The following UNC5D variants were observed in gnomAD, a reference collection of about 807,000 sequenced individuals.
UNC5D encodes the protein unc-5 netrin receptor D.
In UNC5D, 39 loss-of-function variants were observed where a neutral mutation model predicts 105.4. That is an observed-to-expected ratio of 0.37 (90% CI 0.29 to 0.48). The LOEUF (loss-of-function observed/expected upper bound fraction) is 0.48, where lower values mean the gene tolerates loss of function less well. UNC5D is among the 20% of genes least tolerant of loss of function. UNC5D has a pLI of 0.98. For synonymous variants in UNC5D, 452 were observed against 450.4 expected (o/e 1.00, Z -0.04); for missense variants, 991 against 1,202.4 (o/e 0.82, Z 2.60).
chr8:35,675,686 G>A (rs1156323969), intron 4 of UNC5D, among the ~76,000 whole-genome samples: 1 of 151,988 alleles, frequency 6.6e-6, no homozygotes, highest in Non-Finnish European at 1.5e-5. Context: ...GAATTCAAAG[G>A]TCAAGGGGCC....
intron 3 of UNC5D, among the ~76,000 whole-genome samples, chr8:35,572,817 T>C (rs1384523343): frequency 6.6e-6 from 1 of 151,002 alleles, no homozygotes; most frequent in East Asian, 1.9e-4. Context: ...TTTTTTTTTT[T>C]TTTTGAGATG....
intron 1 of UNC5D, among the ~76,000 whole-genome samples, chr8:35,407,215 C>T (rs1243390149): frequency 1.3e-5 from 2 of 151,978 alleles, no homozygotes; most frequent in African/African-American, 2.4e-5. Context: ...GTGAAGTAGA[C>T]AACAATATCT....
At chr8:35,600,255 A>G (rs1250612433) in intron 4 of UNC5D, among the ~76,000 whole-genome samples, 1 of 152,230 alleles carries the variant, frequency 6.6e-6, no homozygotes, top group Non-Finnish European at 1.5e-5. Flanking sequence ...TAGTGCCACA[A>G]TAAACATACG....
chr8:35,790,003 T>C (rs1802961683), intron 16 of UNC5D, among the ~76,000 whole-genome samples: 1 of 151,540 alleles, frequency 6.6e-6, no homozygotes, highest in Non-Finnish European at 1.5e-5. Context: ...AATCCCAACA[T>C]TTTGGGAGGC....
At chr8:35,616,155 G>A (rs1199322048) in intron 4 of UNC5D, among the ~76,000 whole-genome samples, 1 of 152,128 alleles carries the variant, frequency 6.6e-6, no homozygotes, top group African/African-American at 2.4e-5. Flanking sequence ...ACCAAACTGA[G>A]CCTCAGAGAG....
chr8:35,721,174 A>T (rs1410110439), intron 8 of UNC5D, among the ~76,000 whole-genome samples: 1 of 152,218 alleles, frequency 6.6e-6, no homozygotes, highest in Non-Finnish European at 1.5e-5. Flanking sequence ...TACTTACCAC[A>T]TAATCTGTAG....
intron 1 of UNC5D, among the ~76,000 whole-genome samples, chr8:35,512,072 A>G (rs1237741019): frequency 6.6e-6 from 1 of 152,192 alleles, no homozygotes; most frequent in African/African-American, 2.4e-5. Context: ...ATACTGAGGT[A>G]CTATGGTTCT....
chr8:35,516,280 G>A (rs1326379073), intron 1 of UNC5D, among the ~76,000 whole-genome samples: 10 of 152,176 alleles, frequency 6.6e-5, no homozygotes, highest in Non-Finnish European at 2.9e-5. Flanking sequence ...GAATAAAACA[G>A]ATTTGATCAT....
chr8:35,509,517 T>TCCTCCCCTCC (rs1812555405), intron 1 of UNC5D, among the ~76,000 whole-genome samples: 1 of 2,488 alleles, frequency 4.0e-4, no homozygotes, highest in African/African-American at 2.1e-3. Flanking sequence ...TTCTCTTCTC[T>TCCTCCCCTCC]CCTTCTTTTC....
intron 1 of UNC5D, among the ~76,000 whole-genome samples, chr8:35,425,275 C>T (rs1388931646): frequency 6.6e-6 from 1 of 152,126 alleles, no homozygotes; most frequent in Non-Finnish European, 1.5e-5. Flanking sequence ...TTTTGCCTCA[C>T]CAAAATGCAT....
Position 35,540,395 on chromosome 8 carries a change from A to G in UNC5D, c.104-8897A>G, listed in dbSNP as rs576344320. On this transcript the variant is annotated intron_variant, in intron 1 of 16. Coordinates refer to ENST00000404895, the MANE Select transcript of UNC5D (RefSeq NM_080872.4). Reference sequence around the variant, plus strand: ...GTTAGAGACCATGAAGTGAAAGCTAAAATTGCCATAGTTTATGAAGCCCTT... The same window carrying G: ...GTTAGAGACCATGAAGTGAAAGCTAGAATTGCCATAGTTTATGAAGCCCTT... Among the ~76,000 whole-genome samples, 98 of 152,002 alleles carry G rather than the reference A, an allele frequency of 6.4e-4. 3 individuals are homozygous for G. The South Asian group carries it at 0.019, about 30-fold the overall frequency.
chr8:35,495,455 C>CAA (rs1417671723), intron 1 of UNC5D, among the ~76,000 whole-genome samples: 3 of 32,412 alleles, frequency 9.3e-5, no homozygotes, highest in Admixed American at 3.0e-4. Flanking sequence ...ACAACAACAA[C>CAA]AACAAAAAAA....
intron 14 of UNC5D, among the ~76,000 whole-genome samples, chr8:35,766,607 T>A (rs73578251): frequency 0.013 from 2,013 of 152,308 alleles, 50 homozygotes; most frequent in African/African-American, 0.047. Context: ...TTTGATGGTA[T>A]TCTTTCTAAT....
At chr8:35,725,378 C>T (rs1411242388) in intron 9 of UNC5D, among the ~76,000 whole-genome samples, 2 of 152,084 alleles carry the variant, frequency 1.3e-5, no homozygotes, top group Admixed American at 6.6e-5. Context: ...CGAGCCCCAG[C>T]AGATGACAAA....
chr8:35,440,535 A>G (rs1807325872), intron 1 of UNC5D, among the ~76,000 whole-genome samples: 1 of 151,956 alleles, frequency 6.6e-6, no homozygotes, highest in South Asian at 2.1e-4. Context: ...TTCCTGATGA[A>G]TATATTTGGT....
At chr8:35,703,777 C>A (rs1053415578) in intron 7 of UNC5D, among the ~76,000 whole-genome samples, 2 of 152,224 alleles carry the variant, frequency 1.3e-5, no homozygotes, top group African/African-American at 4.8e-5. Context: ...GAGTTCTAAA[C>A]AGATGTTCTA....
At chr8:35,649,542 C>T (rs1265756701) in intron 4 of UNC5D, among the ~76,000 whole-genome samples, 3 of 152,166 alleles carry the variant, frequency 2.0e-5, no homozygotes, top group Admixed American at 1.3e-4. Context: ...TTGGCCTGAA[C>T]TTACTGGCTC....
intron 1 of UNC5D, among the ~76,000 whole-genome samples, chr8:35,462,671 C>T (rs1808986087): frequency 6.6e-6 from 1 of 152,098 alleles, no homozygotes; most frequent in Admixed American, 6.5e-5. Context: ...GATTAAATAA[C>T]ATTTTCACCT....
chr8:35,409,697 T>G (rs935527416), intron 1 of UNC5D, among the ~76,000 whole-genome samples: 21 of 152,040 alleles, frequency 1.4e-4, no homozygotes, highest in Non-Finnish European at 2.8e-4. Flanking sequence ...CTGGCTTGTC[T>G]TTTCATTCTC....
Sources: allele counts gnomAD v4.1 joint callset (sites outside exome capture counted in the v4.1 genomes callset), GRCh38; gene constraint gnomAD v4.1.1; transcripts MANE v1.5; gene names NCBI Gene and HGNC (gene_info 2026-07-23, HGNC 2026-07-21).